PFKM: variants seen among roughly 807,000 people sequenced by gnomAD.
The protein encoded by PFKM is ATP-dependent 6-phosphofructokinase, muscle type.
A neutral mutation model predicts 95.5 loss-of-function variants in PFKM; 58 were observed. The ratio of observed to expected loss-of-function variants is 0.61; its 90% confidence interval spans 0.49 to 0.76. PFKM has a LOEUF of 0.76. Ranked by LOEUF, PFKM falls within the 30% of genes least tolerant of loss-of-function variation. The pLI, the probability that PFKM is intolerant of heterozygous loss-of-function variation, is 0.00. For missense variants in PFKM, 678 were observed against 1,005.4 expected, an observed-to-expected ratio of 0.67 and a Z score of 4.40; for synonymous variants, 336 against 357.2, an observed-to-expected ratio of 0.94 and a Z score of 0.67.
chr12:48,106,088 G>A, exon 1 of PFKM: 1 of 702,648 alleles, frequency 1.4e-6, no homozygotes, highest in Non-Finnish European at 2.6e-6. Flanking sequence ...GCAAAACCCG[G>A]GAACCGCCGC....
At chr12:48,128,336 C>A (rs907156213) in intron 2 of PFKM, among the ~76,000 whole-genome samples, 2 of 152,072 alleles carry the variant, frequency 1.3e-5, no homozygotes, top group African/African-American at 4.8e-5. Context: ...AACTCCTGGG[C>A]TCAAGTGATC....
chr12:48,106,410 A>T (rs1402763991), intron 1 of PFKM: 1 of 458,592 alleles, frequency 2.2e-6, no homozygotes, highest in East Asian at 4.3e-5. Context: ...CTTGCGTTCC[A>T]GTTTCCATGG....
At chr12:48,122,945 T>C in intron 2 of PFKM, 86 bp downstream of exon 2, 1 of 1,346,824 alleles carries the variant, frequency 7.4e-7, no homozygotes, top group South Asian at 1.2e-5. Flanking sequence ...ATTATTCTTC[T>C]GTAGGTTCAC....
intron 2 of PFKM, among the ~76,000 whole-genome samples, chr12:48,123,248 C>A (rs1479870993): frequency 6.6e-6 from 1 of 152,056 alleles, no homozygotes. Flanking sequence ...TATGGTGGGT[C>A]CCAACTAGGT....
chr12:48,142,635 C>A, intron 17 of PFKM, 147 bp from the exon 18 acceptor site: 1 of 792,246 alleles, frequency 1.3e-6, no homozygotes. Context: ...GCCTGTTACC[C>A]TAAATGCAAG....
At chr12:48,105,807 T>C (rs1946508807), upstream of PFKM, 1 of 592,340 alleles carries the variant, frequency 1.7e-6, no homozygotes, top group Non-Finnish European at 3.0e-6. Flanking sequence ...AGGAACGGCC[T>C]CAGGTAGCCT....
chr12:48,119,851 G>A (rs775400450), intron 1 of PFKM: 2 of 152,240 alleles, frequency 1.3e-5, no homozygotes, highest in Non-Finnish European at 1.5e-5. Context: ...TTATACATGA[G>A]TCTGCATGAA....
intron 1 of PFKM, chr12:48,122,535 G>A: frequency 3.7e-6 from 5 of 1,352,150 alleles, no homozygotes; most frequent in Non-Finnish European, 4.8e-6. Flanking sequence ...GATCAGGGAG[G>A]AATTAGGACC....
chr12:48,132,672 A>C (rs542992718), intron 4 of PFKM, 196 bp from the exon 5 acceptor site: 74 of 618,520 alleles, frequency 1.2e-4, no homozygotes, highest in Non-Finnish European at 1.9e-4. Context: ...TGTGTAGCAA[A>C]ATATGGGAAT....
chr12:48,123,977 C>T (rs1401140529), intron 2 of PFKM, among the ~76,000 whole-genome samples: 1 of 152,134 alleles, frequency 6.6e-6, no homozygotes, highest in African/African-American at 2.4e-5. Context: ...GTAGCAGGCA[C>T]ATCGTAAATA....
intron 13 of PFKM, among the ~76,000 whole-genome samples, chr12:48,140,213 A>G (rs1457674543): frequency 6.6e-6 from 1 of 152,210 alleles, no homozygotes; most frequent in Non-Finnish European, 1.5e-5. Flanking sequence ...CTGGGAAAAT[A>G]TGGGAATAAT....
At chr12:48,133,225 T>C in intron 5 of PFKM, 90 bp from the exon 6 acceptor site, 1 of 1,334,332 alleles carries the variant, frequency 7.5e-7, no homozygotes, top group Non-Finnish European at 1.1e-6. Flanking sequence ...ACAATTCCTT[T>C]TGGCTAGAGT....
At position 48,131,545 on chromosome 12, in the gene PFKM, T is replaced by G. The variant is rs533138411; in HGVS notation, c.237+152T>G. 8.7e-4 allele frequency: 609 copies of G among 699,388 alleles called. 8 individuals are homozygous for G. The highest frequency in any genetic ancestry group is 4.0e-4 in the East Asian group (15 of 37,038). 43.3% of individuals were successfully genotyped at this position (699,388 alleles called of 1,614,324 possible). A position where few individuals can be genotyped will look rare whatever the true frequency, so the allele number is the denominator to read the frequency against. ...AGGGACCCTATTTGCCCTTTACTCT[T>G]AGCATTTGAAAATACCACCCTGGTT... On this transcript the variant is annotated intron_variant, in intron 4 of 22. Transcript: ENST00000359794.
chr12:48,116,083 G>T (rs528455105), upstream of PFKM, among the ~76,000 whole-genome samples: 1 of 151,968 alleles, frequency 6.6e-6, no homozygotes, highest in Non-Finnish European at 1.5e-5. Context: ...GTTCACATCC[G>T]CTGTAATACT....
At chr12:48,115,921 A>T (rs1947630014), upstream of PFKM, among the ~76,000 whole-genome samples, 1 of 152,064 alleles carries the variant, frequency 6.6e-6, no homozygotes. Flanking sequence ...TTTTGTGTGT[A>T]CATATGTTTT....
chr12:48,145,511 A>G lies in PFKM; in HGVS notation c.2199-53A>G, dbSNP rs529017955. ...CTTCTTCCTATAAACCTTTGGTAGA[A>G]GTTGATTGGGGTGCTAAAAGATTAT... is the stretch of plus-strand genomic sequence containing the variant. On this transcript the variant is annotated intron_variant, in intron 22 of 22. Transcript: ENST00000359794. This position sits in a 1 kb window ranked among gnomAD's most constrained non-coding sequence, Gnocchi z 4.3. 6.5e-5 allele frequency: 104 copies of G among 1,606,582 alleles called. 1 individual carries two copies. The South Asian group carries it at 1.1e-3, about 18-fold the overall frequency.
intron 6 of PFKM, 60 bp from the exon 7 acceptor site, chr12:48,134,172 T>C: frequency 7.2e-7 from 1 of 1,394,724 alleles, no homozygotes; most frequent in East Asian, 2.3e-5. Context: ...TAGATGTGGG[T>C]GGTGGCTTGA....
chr12:48,125,143 C>T (rs892250450), intron 2 of PFKM, among the ~76,000 whole-genome samples: 5 of 152,152 alleles, frequency 3.3e-5, no homozygotes, highest in Admixed American at 1.3e-4. Context: ...CGTACCAAAT[C>T]CTAATTCCCT....
chr12:48,135,454 G>A (rs1326639381), intron 10 of PFKM, 71 bp downstream of exon 10: 5 of 1,098,182 alleles, frequency 4.6e-6, no homozygotes, highest in Non-Finnish European at 7.0e-6. Flanking sequence ...CCTCAGGGCT[G>A]CACTTCACCA....
Sources: gnomAD v4.1 joint callset for allele counts (sites outside exome capture counted in the v4.1 genomes callset) on GRCh38, gnomAD v4.1.1 for gene constraint, Gnocchi (gnomAD v3.1) non-coding constraint, MANE v1.5 for transcripts, NCBI Gene and HGNC (gene_info 2026-07-23, HGNC 2026-07-21) for gene names.